The following ERAP1 variants were observed in gnomAD, a reference collection of about 807,000 sequenced individuals.
ERAP1 encodes the protein endoplasmic reticulum aminopeptidase 1, also known as adipocyte-derived leucine aminopeptidase.
A neutral mutation model predicts 103.7 loss-of-function variants in ERAP1; 86 were observed. That is an observed-to-expected ratio of 0.83 (90% confidence interval 0.70 to 0.99). The LOEUF (loss-of-function observed/expected upper bound fraction) is 0.99. Ranked by LOEUF, ERAP1 falls within the 50% of genes least tolerant of loss-of-function variation. The probability of loss-of-function intolerance (pLI) is 0.00; values close to 1 mark genes in which losing one functional copy is unlikely to be tolerated. For synonymous variants in ERAP1, 398 were observed against 402.4 expected (o/e 0.99, Z 0.13); for missense variants, 1,009 against 1,128.4 (o/e 0.89, Z 1.52).
At chr5:96,837,873 G>A in the ERAP1 span, among the ~76,000 whole-genome samples, 12 of 152,188 alleles carry the variant, frequency 7.9e-5, no homozygotes, top group African/African-American at 2.9e-4. Context: ...AGAGCAGGAA[G>A]ATAAGCTTTC....
chr5:96,863,786 G>A, the ERAP1 span, among the ~76,000 whole-genome samples: 8 of 151,942 alleles, frequency 5.3e-5, no homozygotes, highest in African/African-American at 1.2e-4. Context: ...ATCCAGTCAC[G>A]TCTACCACTC....
At chr5:96,792,255 G>C in intron 7 of ERAP1, 63 bp from the exon 8 acceptor site, 2 of 1,549,678 alleles carry the variant, frequency 1.3e-6, no homozygotes, top group Non-Finnish European at 8.9e-7. Context: ...AATGTCAAAG[G>C]TGGGACATTT....
At chr5:96,861,062 G>C in the ERAP1 span, among the ~76,000 whole-genome samples, 1 of 151,746 alleles carries the variant, frequency 6.6e-6, no homozygotes, top group Admixed American at 6.6e-5. Flanking sequence ...TGGCCAAATT[G>C]TCTCCCTAGA....
At chr5:96,876,787 C>G in the ERAP1 span, among the ~76,000 whole-genome samples, 2 of 152,132 alleles carry the variant, frequency 1.3e-5, no homozygotes, top group Admixed American at 1.3e-4. Context: ...ATTCTTGCCT[C>G]TTCAATCCCA....
chr5:96,912,983 G>A, the ERAP1 span, among the ~76,000 whole-genome samples: 1 of 152,118 alleles, frequency 6.6e-6, no homozygotes, highest in African/African-American at 2.4e-5. Flanking sequence ...GTATTCCCTA[G>A]TTATTAATCA....
chr5:96,876,386 A>C, the ERAP1 span: 4 of 152,424 alleles, frequency 2.6e-5, no homozygotes, highest in Non-Finnish European at 5.9e-5. Context: ...CTCTTATCCT[A>C]AGCTCCATTC....
downstream of ERAP1, chr5:96,773,173 C>T (rs1403960687): frequency 1.3e-5 from 2 of 153,760 alleles, no homozygotes; most frequent in Admixed American, 6.5e-5. Context: ...GGGCACATAT[C>T]TCCTCTTGGG....
the ERAP1 span, among the ~76,000 whole-genome samples, chr5:96,867,335 G>C: frequency 6.6e-6 from 1 of 152,060 alleles, no homozygotes; most frequent in Non-Finnish European, 1.5e-5. Context: ...CTGTGCTTTA[G>C]TTATGGCTGC....
chr5:96,878,137 A>G, the ERAP1 span, among the ~76,000 whole-genome samples: 5 of 152,348 alleles, frequency 3.3e-5, no homozygotes, highest in East Asian at 9.6e-4. Context: ...CTTCAAAAAG[A>G]AAGAAACTTA....
chr5:96,911,866 C>CA, the ERAP1 span, among the ~76,000 whole-genome samples: 739 of 56,638 alleles, frequency 0.013, 55 homozygotes, highest in East Asian at 0.13. Context: ...GACCCTGTCT[C>CA]AAAAAAAAAA....
chr5:96,904,641 G>A, the ERAP1 span, among the ~76,000 whole-genome samples: 1 of 152,202 alleles, frequency 6.6e-6, no homozygotes, highest in Admixed American at 6.5e-5. Flanking sequence ...GCTAGTTGAA[G>A]GAGGTTTGCC....
chr5:96,903,450 CTA>C, the ERAP1 span: 4 of 1,614,030 alleles, frequency 2.5e-6, no homozygotes, highest in Non-Finnish European at 3.4e-6. Flanking sequence ...ACATCGTTCA[CTA>C]TGAGGGTCAT....
the ERAP1 span, among the ~76,000 whole-genome samples, chr5:96,879,382 A>G: frequency 5.4e-4 from 82 of 152,320 alleles, no homozygotes; most frequent in South Asian, 0.016. Flanking sequence ...GGAGTCCTAA[A>G]GGGTTTTTAT....
At chr5:96,815,419 T>TG in the ERAP1 span, among the ~76,000 whole-genome samples, 1 of 149,462 alleles carries the variant, frequency 6.7e-6, no homozygotes, top group Non-Finnish European at 1.5e-5. Context: ...TTTTTATTTT[T>TG]TTTTTTTTTG....
At chr5:96,807,982 C>T (rs1462808945), upstream of ERAP1, 15 of 985,618 alleles carry the variant, frequency 1.5e-5, no homozygotes, top group African/African-American at 3.5e-5. Flanking sequence ...CTGAGCGGCG[C>T]TTCGGCCCGA....
the ERAP1 span, chr5:96,886,716 T>A: frequency 1.4e-5 from 21 of 1,554,860 alleles, no homozygotes; most frequent in Non-Finnish European, 1.7e-5. Flanking sequence ...ACTGTAAAAA[T>A]GAGTACATAC....
the ERAP1 span, among the ~76,000 whole-genome samples, chr5:96,901,256 T>A: frequency 3.3e-5 from 5 of 152,196 alleles, no homozygotes; most frequent in South Asian, 8.3e-4. Context: ...TCCTTTTCAC[T>A]GGCTTTTCCT....
At chr5:96,910,275 A>AC in the ERAP1 span, 2 of 150,218 alleles carry the variant, frequency 1.3e-5, no homozygotes, top group Non-Finnish European at 3.0e-5. Context: ...AAAAAAAAAA[A>AC]AAAAACTTTT....
intron 3 of ERAP1, among the ~76,000 whole-genome samples, chr5:96,798,022 C>T (rs1777537423): frequency 6.6e-6 from 1 of 152,120 alleles, no homozygotes; most frequent in Admixed American, 6.5e-5. Flanking sequence ...TTCTGTTCTG[C>T]TGTATAACTG....
Sources: allele counts gnomAD v4.1 joint callset (sites outside exome capture counted in the v4.1 genomes callset), GRCh38; gene constraint gnomAD v4.1.1; transcripts MANE v1.5; gene names NCBI Gene and HGNC (gene_info 2026-07-23, HGNC 2026-07-21).